The following USP28 variants were observed in gnomAD, a reference collection of about 807,000 sequenced individuals.
USP28 encodes the protein ubiquitin carboxyl-terminal hydrolase 28.
In USP28, 113 loss-of-function variants were observed where a neutral mutation model predicts 145.0. The observed-to-expected ratio is 0.78, with a 90% CI of 0.67 to 0.91. The LOEUF (loss-of-function observed/expected upper bound fraction) is 0.91. USP28 is among the 40% of genes least tolerant of loss of function. USP28 has a pLI of 0.00. For missense variants in USP28, 1,201 were observed against 1,289.6 expected, an observed-to-expected ratio of 0.93 and a Z score of 1.05; for synonymous variants, 447 against 450.9, an observed-to-expected ratio of 0.99 and a Z score of 0.11.
chr11:113,855,185 G>A (rs2136579219), intron 1 of USP28, among the ~76,000 whole-genome samples: 1 of 152,276 alleles, frequency 6.6e-6, no homozygotes, highest in South Asian at 2.1e-4. Flanking sequence ...AGTATGAAAT[G>A]TTTTCTCTTC....
intron 1 of USP28, among the ~76,000 whole-genome samples, chr11:113,868,277 GT>G: frequency 6.6e-6 from 1 of 152,286 alleles, no homozygotes. Context: ...CTCCTCTAGA[GT>G]TTACAGTAAA....
intron 1 of USP28, among the ~76,000 whole-genome samples, chr11:113,874,317 G>A (rs1267859736): frequency 1.3e-5 from 2 of 149,712 alleles, no homozygotes; most frequent in East Asian, 4.0e-4. Flanking sequence ...CCGGGCCGGT[G>A]GCAAGCACCT....
exon 20 of USP28, chr11:113,804,960 A>T: frequency 6.2e-7 from 1 of 1,614,180 alleles, no homozygotes; most frequent in Admixed American, 1.7e-5. Context: ...AAAAGTAGAC[A>T]AGGACATGCT....
At chr11:113,849,402 G>A (rs1946225572) in intron 3 of USP28, among the ~76,000 whole-genome samples, 1 of 152,208 alleles carries the variant, frequency 6.6e-6, no homozygotes, top group African/African-American at 2.4e-5. Context: ...CAAATCAGCA[G>A]CATGTGTTGA....
intron 13 of USP28, among the ~76,000 whole-genome samples, chr11:113,816,039 C>G (rs1260607105): frequency 6.6e-6 from 1 of 152,112 alleles, no homozygotes; most frequent in East Asian, 1.9e-4. Flanking sequence ...AAGTTCTTTA[C>G]GTCTTTTCTG....
chr11:113,847,165 T>C (rs985578950), intron 3 of USP28, among the ~76,000 whole-genome samples: 4 of 152,024 alleles, frequency 2.6e-5, no homozygotes, highest in Non-Finnish European at 5.9e-5. Flanking sequence ...TCATAATAGA[T>C]AAATTAACCT....
intron 1 of USP28, among the ~76,000 whole-genome samples, chr11:113,867,068 A>T (rs1170041655): frequency 6.6e-6 from 1 of 152,250 alleles, no homozygotes; most frequent in African/African-American, 2.4e-5. Context: ...ATCCATTTAC[A>T]TGAAATCTCT....
At chr11:113,813,919 A>G in exon 15 of USP28, 1 of 1,612,374 alleles carries the variant, frequency 6.2e-7, no homozygotes, top group Non-Finnish European at 8.5e-7. Context: ...CATCTGTTCA[A>G]TAGTCTGAGT....
At chr11:113,803,803 T>A in exon 22 of USP28, 1 of 1,613,474 alleles carries the variant, frequency 6.2e-7, no homozygotes, top group Non-Finnish European at 8.5e-7. Flanking sequence ...CATACTTTCC[T>A]TTTTGATAGA....
intron 18 of USP28, chr11:113,807,966 A>G (rs1940298237): frequency 1.8e-6 from 2 of 1,139,048 alleles, no homozygotes; most frequent in South Asian, 4.8e-5. Flanking sequence ...CATCATATCC[A>G]TCTGCATCAG....
rs528931245 is a variant in USP28 at position 113,843,076 on chromosome 11, C to T, written c.269-1308G>A. Among the ~76,000 whole-genome samples, 90 of 152,110 alleles carry T rather than the reference C, an allele frequency of 5.9e-4. 1 individual carries two copies. The highest frequency in any genetic ancestry group is 1.2e-3 in the Non-Finnish European group (80 of 67,978). The stretch of plus-strand genomic sequence containing the variant: ...TGGAACCTCGTCTCTACTAAAAATA[C>T]AAAAAATTAGCTGGGCATGGTTGCA... On this transcript the variant is annotated intron_variant, in intron 3 of 24. Coordinates refer to ENST00000003302, the Ensembl canonical transcript of USP28.
intron 3 of USP28, among the ~76,000 whole-genome samples, chr11:113,845,646 C>T (rs1030677211): frequency 6.6e-6 from 1 of 152,122 alleles, no homozygotes. Flanking sequence ...ACAATCTCAG[C>T]TCACTGTAGC....
intron 1 of USP28, among the ~76,000 whole-genome samples, chr11:113,861,393 C>A (rs575353797): frequency 4.6e-5 from 7 of 152,196 alleles, no homozygotes; most frequent in Admixed American, 4.6e-4. Flanking sequence ...GTGAATGATG[C>A]AAATGTCAGT....
chr11:113,832,993 G>C (rs886823004), intron 7 of USP28, among the ~76,000 whole-genome samples: 1 of 152,112 alleles, frequency 6.6e-6, no homozygotes, highest in Non-Finnish European at 1.5e-5. Context: ...GCTGAGAAAA[G>C]CTCCGAAAAG....
chr11:113,872,846 TAGATATTCGA>T (rs1948967797), intron 1 of USP28, among the ~76,000 whole-genome samples: 1 of 152,228 alleles, frequency 6.6e-6, no homozygotes, highest in Non-Finnish European at 1.5e-5. Flanking sequence ...GTAACCTCTT[TAGATATTCGA>T]ATACCAGTTT....
At chr11:113,850,554 C>G (rs767858375) in intron 3 of USP28, among the ~76,000 whole-genome samples, 3 of 152,180 alleles carry the variant, frequency 2.0e-5, no homozygotes, top group Non-Finnish European at 4.4e-5. Context: ...TAGCTCAAAA[C>G]TGTTAACGGC....
intron 12 of USP28, among the ~76,000 whole-genome samples, chr11:113,818,502 C>A (rs1025060184): frequency 1.3e-5 from 2 of 152,124 alleles, no homozygotes; most frequent in African/African-American, 4.8e-5. Flanking sequence ...CATTTTAATA[C>A]AATACTTACA....
rs191237192 is a variant in USP28, at chr11:113,823,448, C to T, written c.1283+157G>A. Among the ~76,000 whole-genome samples, 386 of 152,272 alleles carry T rather than the reference C, an allele frequency of 2.5e-3. 2 individuals carry two copies. The highest frequency in any genetic ancestry group is 4.8e-3 in the Admixed American group (74 of 15,300). Reference sequence around the variant, plus strand: ...CCCCCATGAATAATACTAGCTGATCCTGAAGACTGCTTCACACTTAGACAA... The same window carrying T: ...CCCCCATGAATAATACTAGCTGATCTTGAAGACTGCTTCACACTTAGACAA... On this transcript the variant is annotated intron_variant, in intron 12 of 24. Coordinates refer to ENST00000003302, the Ensembl canonical transcript of USP28.
intron 12 of USP28, among the ~76,000 whole-genome samples, chr11:113,819,017 G>A (rs1274146021): frequency 2.6e-5 from 4 of 151,478 alleles, no homozygotes; most frequent in Non-Finnish European, 4.4e-5. Context: ...GAGCAAAAGT[G>A]GTTAAAAAAA....
Sources: allele counts gnomAD v4.1 joint callset (sites outside exome capture counted in the v4.1 genomes callset), GRCh38; gene constraint gnomAD v4.1.1; transcripts MANE v1.5; gene names NCBI Gene and HGNC (gene_info 2026-07-23, HGNC 2026-07-21).